Variants in ACOX3 observed in about 807,000 individuals in gnomAD.
ACOX3 encodes acyl-CoA oxidase 3, pristanoyl, also known as peroxisomal acyl-coenzyme A oxidase 3.
ACOX3 carries 73 observed loss-of-function variants against 81.5 expected under a neutral mutation model. That is an observed-to-expected ratio of 0.90 (90% CI 0.74 to 1.09). The LOEUF is 1.09. Among genes scored for constraint, ACOX3 ranks in the 50% least tolerant of loss-of-function variants. The pLI is 0.00. For synonymous variants in ACOX3, 387 were observed against 375.1 expected (o/e 1.03, Z -0.37); for missense variants, 947 against 928.0 (o/e 1.02, Z -0.27).
At chr4:8,429,481 A>G (rs1435695948) in intron 1 of ACOX3, among the ~76,000 whole-genome samples, 1 of 152,236 alleles carries the variant, frequency 6.6e-6, no homozygotes, top group Non-Finnish European at 1.5e-5. Context: ...GGGCGTTATC[A>G]ATCAGACGAA....
chr4:8,387,885 G>A (rs1718502108), intron 13 of ACOX3, among the ~76,000 whole-genome samples: 1 of 152,200 alleles, frequency 6.6e-6, no homozygotes, highest in South Asian at 2.1e-4. Context: ...TCTGTGTGGG[G>A]GCGCAGGGCA....
chr4:8,421,535 G>A (rs1003961502), intron 1 of ACOX3, among the ~76,000 whole-genome samples: 2 of 152,186 alleles, frequency 1.3e-5, no homozygotes, highest in Non-Finnish European at 1.5e-5. Flanking sequence ...TACCTCCTGG[G>A]TCCTAACCAT....
At position 8,406,064 on chromosome 4, in the gene ACOX3, C is replaced by T. The variant is rs753251304; in HGVS notation, c.688-21G>A. 1.1e-5 allele frequency: 17 copies of T among 1,604,276 alleles called. No individual in the cohort carries two copies. The Admixed American group carries it at 2.7e-4, about 25-fold the overall frequency. On this transcript the variant is annotated intron_variant, in intron 6 of 17. Coordinates refer to ENST00000356406, the MANE Select transcript of ACOX3 (RefSeq NM_003501.3). The surrounding 1 kb of genome is among the most constrained non-coding windows in gnomAD (Gnocchi z 5.6). ...CGGATCTATACAAAGCCACAGAAAG[C>T]AGCAAACAGCAACTGTTACAATCAC...
chr4:8,394,622 G>A lies in ACOX3; in HGVS notation c.1177C>T (p.Gln393Ter). 4 of 1,613,530 alleles carry A rather than the reference G, an allele frequency of 2.5e-6. No individual in the cohort carries two copies. The highest frequency in any genetic ancestry group is 3.4e-6 in the Non-Finnish European group (4 of 1,179,900). The change falls in exon 10 of 18, where the codon CAG becomes TAG. Residue 393 changes from glutamine (Q) to a stop codon, truncating the protein, a stop_gained and splice_region_variant. Transcript: ENST00000356406. LOFTEE classifies it high-confidence loss of function. The surrounding 1 kb of genome is among the most constrained non-coding windows in gnomAD (Gnocchi z 5.9). ...GLASGDRSAR[Q>*]AELGREIHAL... The stretch of plus-strand genomic sequence containing the variant: ...TGAGGAAGCAGACACCACCTCACCT[G>A]TCTGGCGCTGCGGTCTCCCGATGCA...
chr4:8,414,312 G>T lies in ACOX3; in HGVS notation c.523C>A (p.His175Asn). 1 of 1,614,004 alleles carries T rather than the reference G, an allele frequency of 6.2e-7. No individual in the cohort carries two copies. The highest frequency in any genetic ancestry group is 8.5e-7 in the Non-Finnish European group (1 of 1,179,916). Reference protein sequence around the residue: ...SNTKAIRTTAHYDPATEEFII... With the variant: ...SNTKAIRTTANYDPATEEFII... ...CCTACCTCAGTGGCAGGATCGTAGT[G>T]GGCAGTTGTGCGAATGGCCTTGGTA... The change falls in exon 5 of 18, where the codon CAC becomes AAC. Residue 175 changes from histidine (H) to asparagine (N), a missense_variant. His to Asn is a moderately conservative substitution (Grantham distance 68). Transcript: ENST00000356406. This position sits in a 1 kb window ranked among gnomAD's most constrained non-coding sequence, Gnocchi z 6.1.
At chr4:8,434,192 A>G (rs1413809824) in intron 1 of ACOX3, among the ~76,000 whole-genome samples, 4 of 152,138 alleles carry the variant, frequency 2.6e-5, no homozygotes, top group Admixed American at 2.0e-4. Context: ...CGTTTCCCAC[A>G]CTTGCTCGAT....
rs1245179215 is a variant in ACOX3, at chr4:8,385,163, T to G, written c.1538-3556A>C. ...AGCTCAAGGTCACAGCGGGGGGCAG[T>G]GCTGACCCAATAGCCTGTGCTCCCA... On this transcript the variant is annotated intron_variant, in intron 13 of 17. Coordinates refer to ENST00000356406, the MANE Select transcript of ACOX3 (RefSeq NM_003501.3). The surrounding 1 kb of genome is among the most constrained non-coding windows in gnomAD (Gnocchi z 5.5). 6.6e-6 allele frequency among the ~76,000 whole-genome samples: 1 copy of G among 152,160 alleles called. No homozygotes were observed. The highest frequency in any genetic ancestry group is 1.9e-4 in the East Asian group (1 of 5,188).
the ACOX3 span, chr4:8,356,412 T>A: frequency 2.5e-6 from 1 of 401,732 alleles, no homozygotes; most frequent in Non-Finnish European, 5.0e-6. Context: ...CACGGATGGC[T>A]GCCACGGAGC....
At position 8,389,702 on chromosome 4, in the gene ACOX3, C is replaced by T. The variant is rs774360716; in HGVS notation, c.1333G>A (p.Asp445Asn). Reference sequence around the variant, plus strand: ...TCACCTTCGTATGTGCAGTTGGGATCGTTGTCATCTCTAAGGACACCCAAC... The same window carrying T: ...TCACCTTCGTATGTGCAGTTGGGATTGTTGTCATCTCTAAGGACACCCAAC... The part of the protein sequence containing the change: ...NRLGVLRDDN[D>N]PNCTYEGDNN... Residue 445 changes from aspartate to asparagine, a missense_variant, in exon 12 of 18, where the codon GAT (aspartate) becomes AAT (asparagine). Coordinates refer to ENST00000356406, the MANE Select transcript of ACOX3 (RefSeq NM_003501.3). The surrounding 1 kb of genome is among the most constrained non-coding windows in gnomAD (Gnocchi z 5.3). The T allele has an allele frequency of 1.3e-5, 21 of 1,613,898 alleles. No homozygotes were observed. Among genetic ancestry groups the T allele is most frequent in the East Asian group, 4.5e-5 (2 of 44,890 alleles).
chr4:8,407,908 T>A lies in ACOX3; in HGVS notation c.688-1865A>T, dbSNP rs534047368. 9.5e-4 allele frequency among the ~76,000 whole-genome samples: 144 copies of A among 152,220 alleles called. 1 individual carries two copies. The highest frequency in any genetic ancestry group is 1.7e-3 in the Non-Finnish European group (118 of 68,020). On this transcript the variant is annotated intron_variant, in intron 6 of 17. Transcript: ENST00000356406. This position sits in a 1 kb window ranked among gnomAD's most constrained non-coding sequence, Gnocchi z 4.6. ...GGACACGGGTGGTGTCTGGAGAGAT[T>A]CTGGTTGTGTTAACTGCAGGAAGCT... is the stretch of plus-strand genomic sequence containing the variant.
chr4:8,395,517 G>A (rs113514561), intron 9 of ACOX3, among the ~76,000 whole-genome samples: 4,735 of 152,348 alleles, frequency 0.031, 86 homozygotes, highest in African/African-American at 0.043. Context: ...CAGACATGGC[G>A]CCAGCTGCCT....
chr4:8,393,369 T>A (rs1578908478), intron 10 of ACOX3, among the ~76,000 whole-genome samples: 1 of 104,134 alleles, frequency 9.6e-6, no homozygotes, highest in East Asian at 2.8e-4. Flanking sequence ...GCACCTGTAG[T>A]CCCAGCTAGT....
intron 7 of ACOX3, among the ~76,000 whole-genome samples, chr4:8,404,565 C>T (rs570830113): frequency 6.6e-6 from 1 of 152,042 alleles, no homozygotes; most frequent in African/African-American, 2.4e-5. Context: ...TGGGGCCCTG[C>T]CTGTTTTAAA....
rs60500382 is a variant in ACOX3, at chr4:8,379,699, G to T, written c.1653+1793C>A. Among the ~76,000 whole-genome samples the T allele has an allele frequency of 4.8e-3, 724 of 152,336 alleles. 9 individuals carry two copies. The highest frequency in any genetic ancestry group is 0.016 in the South Asian group (77 of 4,830). Reference sequence around the variant, plus strand: ...CCGGGCAGTTCTAAGAGACACAGGTGTTGTTAGGAAGGGGGTCCTTTTGTG... The same window carrying T: ...CCGGGCAGTTCTAAGAGACACAGGTTTTGTTAGGAAGGGGGTCCTTTTGTG... On this transcript the variant is annotated intron_variant, in intron 14 of 17. Transcript: ENST00000356406.
At position 8,399,348 on chromosome 4, in the gene ACOX3, C is replaced by A. The variant is rs992200511; in HGVS notation, c.873+208G>T. ...GCATTGTAAGGCCCGGACTCACCCC[C>A]TGGACACCAGCACCTGGTGCTGTGG... On this transcript the variant is annotated intron_variant, in intron 8 of 17. Transcript: ENST00000356406. The surrounding 1 kb of genome is among the most constrained non-coding windows in gnomAD (Gnocchi z 4.9). 1.3e-5 allele frequency among the ~76,000 whole-genome samples: 2 copies of A among 152,214 alleles called. No homozygotes were observed. The highest frequency in any genetic ancestry group is 4.8e-5 in the African/African-American group (2 of 41,448).
Position 8,397,219 on chromosome 4 carries a change from T to C in ACOX3, c.874-100A>G, listed in dbSNP as rs1380071556. 5 of 1,220,716 alleles carry C rather than the reference T, an allele frequency of 4.1e-6. No individual in the cohort carries two copies. The East Asian group carries it at 1.1e-4, about 28-fold the overall frequency. 75.6% of individuals were successfully genotyped at this position (1,220,716 alleles called of 1,614,324 possible). ...GGTGCCCTCGTTTGTTCATCCAAAG[T>C]AGACCTGTGCCCACCTGCCCAGGCC... On this transcript the variant is annotated intron_variant, in intron 8 of 17. Transcript: ENST00000356406.
At position 8,384,140 on chromosome 4, in the gene ACOX3, G is replaced by A. The variant is rs1035022833; in HGVS notation, c.1538-2533C>T. 1.1e-4 allele frequency among the ~76,000 whole-genome samples: 17 copies of A among 152,212 alleles called. No homozygotes were observed. The highest frequency in any genetic ancestry group is 4.1e-4 in the African/African-American group (17 of 41,458). On this transcript the variant is annotated intron_variant, in intron 13 of 17. Transcript: ENST00000356406. The surrounding 1 kb of genome is among the most constrained non-coding windows in gnomAD (Gnocchi z 5.3). ...CTCTGCAACCAGAATTAATCCATGAGGCTTCACGTCGATGGCCAGTTAGAC... is the reference window on the plus strand; with the variant it reads ...CTCTGCAACCAGAATTAATCCATGAAGCTTCACGTCGATGGCCAGTTAGAC...
chr4:8,409,952 A>G (rs1721528947), intron 6 of ACOX3, among the ~76,000 whole-genome samples: 1 of 148,918 alleles, frequency 6.7e-6, no homozygotes, highest in South Asian at 2.1e-4. Flanking sequence ...CTGTCTGTGC[A>G]CTGTGGGCAG....
At chr4:8,426,864 T>C (rs1335886385) in intron 1 of ACOX3, among the ~76,000 whole-genome samples, 2 of 152,170 alleles carry the variant, frequency 1.3e-5, no homozygotes, top group East Asian at 3.9e-4. Flanking sequence ...ACTGGCCTGC[T>C]AGCCCATGCT....
Sources: gnomAD v4.1 joint callset for allele counts (sites outside exome capture counted in the v4.1 genomes callset) on GRCh38, gnomAD v4.1.1 for gene constraint, Gnocchi (gnomAD v3.1) non-coding constraint, MANE v1.5 for transcripts, NCBI Gene and HGNC (gene_info 2026-07-23, HGNC 2026-07-21) for gene names.